The following PCDHGC5 variants were observed in gnomAD, a reference collection of about 807,000 sequenced individuals.
The protein encoded by PCDHGC5 is protocadherin gamma subfamily C, 5.
PCDHGC5 carries 25 observed loss-of-function variants against 59.0 expected under a neutral mutation model. The ratio of observed to expected loss-of-function variants is 0.42; its 90% CI spans 0.31 to 0.59. PCDHGC5 has a LOEUF of 0.59. Ranked by LOEUF, PCDHGC5 falls within the 20% of genes least tolerant of loss-of-function variation. The pLI is 0.13. For missense variants in PCDHGC5, 1,067 were observed against 1,206.4 expected (o/e 0.88, Z 1.71); for synonymous variants, 434 against 505.5 (o/e 0.86, Z 1.90).
In PCDHGC5 at chr5:141,490,751, C is replaced by T. The variant is rs2099703884; in HGVS notation, c.1511C>T (p.Ser504Phe). 6.2e-6 allele frequency: 10 copies of T among 1,614,092 alleles called. No individual in the cohort carries two copies. The highest frequency in any genetic ancestry group is 1.7e-5 in the Admixed American group (1 of 60,012). ...AATCAGGTTCAGGGAGCCCCAGCCT[C>T]CTCCTTTGTGTATGTCAACCCAGAG... Reference protein sequence around the residue: ...VGNQVQGAPASSFVYVNPEDG... With the variant: ...VGNQVQGAPAFSFVYVNPEDG... Residue 504 changes from serine to phenylalanine, a missense_variant, in exon 1 of 4, where the codon TCC becomes TTC. By Grantham distance (155) the Ser-to-Phe change is radical. Coordinates refer to ENST00000252087, the MANE Select transcript of PCDHGC5 (RefSeq NM_018929.3). This position sits in a 1 kb window ranked among gnomAD's most constrained non-coding sequence, Gnocchi z 5.4.
intron 2 of PCDHGC5, among the ~76,000 whole-genome samples, chr5:141,496,335 C>G (rs2099768099): frequency 1.3e-5 from 2 of 152,204 alleles, no homozygotes; most frequent in Admixed American, 6.5e-5. Flanking sequence ...AAGTCAGGAG[C>G]CTGGAGGAGT....
In PCDHGC5 at chr5:141,511,421, G is replaced by A. The variant is rs1289887363; in HGVS notation, c.*248G>A. 19 of 829,148 alleles carry A rather than the reference G, an allele frequency of 2.3e-5. No individual in the cohort carries two copies. The highest frequency in any genetic ancestry group is 3.8e-4 in the Middle Eastern group (1 of 2,640). 51.4% of individuals were successfully genotyped at this position (829,148 alleles called of 1,614,324 possible). On this transcript the variant is annotated 3_prime_UTR_variant, in exon 4 of 4. Coordinates refer to ENST00000252087, the MANE Select transcript of PCDHGC5 (RefSeq NM_018929.3). The stretch of plus-strand genomic sequence containing the variant: ...CCAATCAACTGCTGTACCCATGGGG[G>A]TAGTGGGGTTACTGTAGACACCAAG...
chr5:141,492,164 C>T (rs1180358388), intron 1 of PCDHGC5, among the ~76,000 whole-genome samples: 2 of 152,230 alleles, frequency 1.3e-5, no homozygotes, highest in East Asian at 1.9e-4. Context: ...CTCCCTATCC[C>T]CGCATCACCC....
rs200843744 is a variant in PCDHGC5, at chr5:141,491,417, G to C, written c.2177G>C (p.Gly726Ala). 18 of 1,613,988 alleles carry C rather than the reference G, an allele frequency of 1.1e-5. No individual in the cohort carries two copies. Among genetic ancestry groups the C allele is most frequent in the Admixed American group, 5.0e-5 (3 of 60,006 alleles). Reference protein sequence around the residue: ...CLQGNADGDGGGGQCCRRQDS... With the variant: ...CLQGNADGDGAGGQCCRRQDS... ...CAGGGAAACGCAGACGGGGACGGGGGTGGAGGGCAGTGCTGCAGGCGCCAG... is the reference window on the plus strand; with the variant it reads ...CAGGGAAACGCAGACGGGGACGGGGCTGGAGGGCAGTGCTGCAGGCGCCAG... The change falls in exon 1 of 4, where the codon GGT becomes GCT. Residue 726 changes from glycine (G) to alanine (A), a missense_variant. Gly to Ala is a moderately conservative substitution (Grantham distance 60, BLOSUM62 0). Transcript: ENST00000252087. This position sits in a 1 kb window ranked among gnomAD's most constrained non-coding sequence, Gnocchi z 6.9.
chr5:141,493,784 T>A lies in PCDHGC5; in HGVS notation c.2461-1023T>A, dbSNP rs1368708028. ...AGCCACTGGCAGTTCCGGAGCTTCC[T>A]TCTCCCTGGAGTAATCTGAGATACT... On this transcript the variant is annotated intron_variant, in intron 1 of 3. Coordinates refer to ENST00000252087, the MANE Select transcript of PCDHGC5 (RefSeq NM_018929.3). This position sits in a 1 kb window ranked among gnomAD's most constrained non-coding sequence, Gnocchi z 4.3. 1.3e-5 allele frequency among the ~76,000 whole-genome samples: 2 copies of A among 152,194 alleles called. No individual in the cohort carries two copies. Among genetic ancestry groups the A allele is most frequent in the Non-Finnish European group, 2.9e-5 (2 of 68,032 alleles).
At chr5:141,505,151 G>T (rs2099844154) in intron 2 of PCDHGC5, among the ~76,000 whole-genome samples, 1 of 152,164 alleles carries the variant, frequency 6.6e-6, no homozygotes, top group Non-Finnish European at 1.5e-5. Context: ...GACAGAGTAA[G>T]ACCCTGTCTA....
At chr5:141,497,849 T>G (rs1337258582) in intron 2 of PCDHGC5, among the ~76,000 whole-genome samples, 1 of 152,192 alleles carries the variant, frequency 6.6e-6, no homozygotes, top group African/African-American at 2.4e-5. Flanking sequence ...ACAAACATTT[T>G]TGATTCAGCG....
In PCDHGC5 at chr5:141,489,362, C is replaced by T. The variant is rs1562129544; in HGVS notation, c.122C>T (p.Pro41Leu). 8 of 1,613,052 alleles carry T rather than the reference C, an allele frequency of 5.0e-6. No individual in the cohort carries two copies. Among genetic ancestry groups the T allele is most frequent in the South Asian group, 2.2e-5 (2 of 90,970 alleles). The change falls in exon 1 of 4, where the codon CCG becomes CTG. Residue 41 changes from proline to leucine, a missense_variant. Pro to Leu is a moderately conservative substitution (Grantham distance 98). Coordinates refer to ENST00000252087, the MANE Select transcript of PCDHGC5 (RefSeq NM_018929.3). The surrounding 1 kb of genome is among the most constrained non-coding windows in gnomAD (Gnocchi z 4.5). ...LRYSVVEESE[P>L]GTLVGNVAQD... ...TACTCAGTGGTGGAGGAGTCTGAGC[C>T]GGGGACGCTGGTGGGGAATGTTGCT...
chr5:141,511,048 C>G lies in PCDHGC5; in HGVS notation c.2710C>G (p.Arg904Gly). The G allele has an allele frequency of 6.2e-7, 1 of 1,614,224 alleles. No homozygotes were observed. Among genetic ancestry groups the G allele is most frequent in the Non-Finnish European group, 8.5e-7 (1 of 1,180,028 alleles). ...QFTLQHVPDYRQNVYIPGSNA... is the reference protein window; with the variant it reads ...QFTLQHVPDYGQNVYIPGSNA... ...CACCCTGCAGCACGTGCCCGACTAC[C>G]GCCAGAATGTCTACATCCCAGGCAG... Residue 904 changes from arginine (R) to glycine (G), a missense_variant, in exon 4 of 4, where the codon CGC becomes GGC. Arg to Gly is a moderately radical substitution (Grantham distance 125, BLOSUM62 -2). Transcript: ENST00000252087.
intron 1 of PCDHGC5, among the ~76,000 whole-genome samples, chr5:141,494,328 G>T (rs1595238527): frequency 6.6e-6 from 1 of 152,200 alleles, no homozygotes; most frequent in Non-Finnish European, 1.5e-5. Flanking sequence ...CACCAAAAGG[G>T]TTACCAAGAA....
chr5:141,492,846 A>G (rs1404624093), intron 1 of PCDHGC5, among the ~76,000 whole-genome samples: 1 of 152,184 alleles, frequency 6.6e-6, no homozygotes, highest in African/African-American at 2.4e-5. Flanking sequence ...AGGAAGTGAA[A>G]GCCTCGAGCG....
Position 141,511,565 on chromosome 5 carries a change from AG to A in PCDHGC5, c.*393del, listed in dbSNP as rs2099883852. 6.8e-6 allele frequency: 2 copies of A among 296,092 alleles called. No homozygotes were observed. Among genetic ancestry groups the A allele is most frequent in the South Asian group, 7.4e-5 (2 of 26,988 alleles). The allele number at this position is 296,092 out of a possible 1,614,324, so 18.3% of individuals were successfully genotyped here. On this transcript the variant is annotated 3_prime_UTR_variant, in exon 4 of 4. Transcript: ENST00000252087. ...CCACTCCAACAGTTCCTCTTTCCCG[AG>A]TAAGGTGGTTGGGGTGTTGAAGTAC...
At chr5:141,507,121 G>A (rs940889204) in intron 3 of PCDHGC5, 1 of 152,126 alleles carries the variant, frequency 6.6e-6, no homozygotes, top group African/African-American at 2.4e-5. Flanking sequence ...GGCTGCCTTT[G>A]GATCCAGCCT....
chr5:141,490,419 G>C lies in PCDHGC5; in HGVS notation c.1179G>C (p.Leu393=). The C allele has an allele frequency of 6.2e-7, 1 of 1,614,170 alleles. No homozygotes were observed. Among genetic ancestry groups the C allele is most frequent in the Non-Finnish European group, 8.5e-7 (1 of 1,180,020 alleles). ...GEVSLDISPD[L]PFQIKPSENH... ...TGAGCCTTGATATCTCTCCGGACCT[G>C]CCATTTCAGATTAAGCCTTCTGAGA... The change falls in exon 1 of 4, where the codon CTG becomes CTC. Residue 393 remains leucine (L), a synonymous_variant. Transcript: ENST00000252087. The surrounding 1 kb of genome is among the most constrained non-coding windows in gnomAD (Gnocchi z 5.4).
Position 141,490,121 on chromosome 5 carries a change from G to A in PCDHGC5, c.881G>A (p.Gly294Asp). The change falls in exon 1 of 4, where the codon GGC (glycine) becomes GAC (aspartate). Residue 294 changes from glycine to aspartate, a missense_variant. Coordinates refer to ENST00000252087, the MANE Select transcript of PCDHGC5 (RefSeq NM_018929.3). The surrounding 1 kb of genome is among the most constrained non-coding windows in gnomAD (Gnocchi z 5.4). ...HTSEAVRNLF[G>D]LDPSSGAIHV... Reference sequence around the variant, plus strand: ...TCTGAGGCAGTGCGGAACCTCTTTGGCCTAGACCCTAGCAGTGGGGCAATC... The same window carrying A: ...TCTGAGGCAGTGCGGAACCTCTTTGACCTAGACCCTAGCAGTGGGGCAATC... 1 of 1,614,256 alleles carries A rather than the reference G, an allele frequency of 6.2e-7. No individual in the cohort carries two copies. Among genetic ancestry groups the A allele is most frequent in the Non-Finnish European group, 8.5e-7 (1 of 1,180,052 alleles).
chr5:141,497,100 T>A (rs886445893), intron 2 of PCDHGC5, among the ~76,000 whole-genome samples: 2 of 151,774 alleles, frequency 1.3e-5, no homozygotes, highest in Non-Finnish European at 2.9e-5. Context: ...GAGGCAGAAC[T>A]GCTTGAACCC....
In PCDHGC5 at chr5:141,491,707, G is replaced by A. The variant is rs1337506934; in HGVS notation, c.2460+7G>A. ...GCTGCGGGAGCGGAGCCAGGTGAGG[G>A]GCTCGGCGCCGCCCCGGGCGACCCC... On this transcript the variant is annotated splice_region_variant and intron_variant, in intron 1 of 3. Transcript: ENST00000252087. The surrounding 1 kb of genome is among the most constrained non-coding windows in gnomAD (Gnocchi z 6.9). The A allele has an allele frequency of 6.2e-6, 10 of 1,610,604 alleles. No homozygotes were observed. Among genetic ancestry groups the A allele is most frequent in the Admixed American group, 1.7e-5 (1 of 59,554 alleles).
chr5:141,490,200 A>G lies in PCDHGC5; in HGVS notation c.960A>G (p.Ala320=). 6.2e-6 allele frequency: 10 copies of G among 1,614,198 alleles called. No homozygotes were observed. The highest frequency in any genetic ancestry group is 8.5e-6 in the Non-Finnish European group (10 of 1,180,032). ...AGTCACGTTTCTATGAAATTCATGC[A>G]AGAGCCCGTGACCAGGGACAGCCTG... ...FEESRFYEIH[A]RARDQGQPAM... is the part of the protein sequence containing the mutation. Residue 320 remains alanine (A), a synonymous_variant, in exon 1 of 4, where the codon GCA becomes GCG. Coordinates refer to ENST00000252087, the MANE Select transcript of PCDHGC5 (RefSeq NM_018929.3). The surrounding 1 kb of genome is among the most constrained non-coding windows in gnomAD (Gnocchi z 5.4).
At chr5:141,499,451 T>A (rs1378621877) in intron 2 of PCDHGC5, among the ~76,000 whole-genome samples, 3 of 152,130 alleles carry the variant, frequency 2.0e-5, no homozygotes, top group Non-Finnish European at 4.4e-5. Flanking sequence ...AAACCACCCA[T>A]CATTTTACAA....
Sources: allele counts gnomAD v4.1 joint callset (sites outside exome capture counted in the v4.1 genomes callset), GRCh38; gene constraint gnomAD v4.1.1; non-coding constraint Gnocchi (gnomAD v3.1); transcripts MANE v1.5; gene names NCBI Gene and HGNC (gene_info 2026-07-23, HGNC 2026-07-21).